CMC1: variants seen among roughly 807,000 people sequenced by gnomAD.
The protein encoded by CMC1 is C-X9-C motif containing 1.
CMC1 carries 14 observed loss-of-function variants against 14.1 expected under a neutral mutation model. The ratio of observed to expected loss-of-function variants is 0.99; its 90% confidence interval spans 0.66 to 1.55. CMC1 has a LOEUF of 1.55. Ranked by LOEUF, CMC1 falls within the 40% of genes most tolerant of loss-of-function variation. The pLI is 0.00. For missense variants in CMC1, 127 were observed against 123.8 expected, an observed-to-expected ratio of 1.03 and a Z score of -0.12; for synonymous variants, 50 against 38.4, an observed-to-expected ratio of 1.30 and a Z score of -1.12.
chr3:28,251,051 C>A (rs1175092001), intron 1 of CMC1, among the ~76,000 whole-genome samples: 1 of 152,138 alleles, frequency 6.6e-6, no homozygotes, highest in African/African-American at 2.4e-5. Context: ...GGAAATGCTG[C>A]CTCTTCCCTT....
intron 1 of CMC1, chr3:28,242,026 CTAAAG>C (rs1321117005): frequency 2.3e-6 from 1 of 426,880 alleles, no homozygotes; most frequent in African/African-American, 2.0e-5. Context: ...CGTTTGTTGT[CTAAAG>C]TATCATCCAT....
intron 1 of CMC1, among the ~76,000 whole-genome samples, chr3:28,253,164 C>T (rs977952005): frequency 5.9e-5 from 9 of 152,202 alleles, no homozygotes; most frequent in African/African-American, 1.9e-4. Context: ...TGGAGTCTGC[C>T]TAGATTCCTG....
At chr3:28,260,252 A>C (rs1315294344) in intron 1 of CMC1, among the ~76,000 whole-genome samples, 3 of 151,950 alleles carry the variant, frequency 2.0e-5, no homozygotes, top group Non-Finnish European at 4.4e-5. Flanking sequence ...ATCTGTGTTC[A>C]TGAGGCATAC....
chr3:28,250,594 A>ATAAC (rs1450458420), intron 1 of CMC1, among the ~76,000 whole-genome samples: 1 of 152,166 alleles, frequency 6.6e-6, no homozygotes, highest in Non-Finnish European at 1.5e-5. Flanking sequence ...TGTGTACTAT[A>ATAAC]TAACTATAAG....
At position 28,272,195 on chromosome 3, in the gene CMC1, C is replaced by G. The variant is rs1257813631; in HGVS notation, c.109+8815C>G. ...CAGAGACAGTTTGACTTCCTGTTTT[C>G]CTATTTGAATAACCTTTCATTTTCT... On this transcript the variant is annotated intron_variant, in intron 2 of 3. Transcript: ENST00000466830. 2.0e-5 allele frequency among the ~76,000 whole-genome samples: 3 copies of G among 152,038 alleles called. No homozygotes were observed. In the East Asian group the frequency reaches 5.8e-4, roughly 29 times the overall value.
In CMC1 at chr3:28,324,525, C is replaced by T; in HGVS notation, c.*4896C>T. The T allele has an allele frequency of 7.6e-7, 1 of 1,310,838 alleles. No homozygotes were observed. The highest frequency in any genetic ancestry group is 2.3e-5 in the South Asian group (1 of 43,712). The allele number at this position is 1,310,838 out of a possible 1,614,324, so 81.2% of individuals were successfully genotyped here. A position where few individuals can be genotyped will look rare whatever the true frequency, so the allele number is the denominator to read the frequency against. On this transcript the variant is annotated 3_prime_UTR_variant, in exon 4 of 4. Coordinates refer to ENST00000466830, the MANE Select transcript of CMC1 (RefSeq NM_182523.2). ...GATCATAAAATTCGATAACACTTCA[C>T]CAATTTGAATTCTAGAACTGGTGAT...
intron 1 of CMC1, among the ~76,000 whole-genome samples, chr3:28,262,371 A>C (rs994086010): frequency 3.3e-5 from 5 of 151,878 alleles, no homozygotes; most frequent in African/African-American, 1.2e-4. Flanking sequence ...ATATTCTTTT[A>C]ATGGGAAACT....
chr3:28,298,096 G>A (rs2125566832), intron 2 of CMC1: 1 of 151,808 alleles, frequency 6.6e-6, no homozygotes, highest in Middle Eastern at 3.4e-3. Context: ...CTTCCAAGTT[G>A]CATAGGTAGC....
intron 1 of CMC1, among the ~76,000 whole-genome samples, chr3:28,260,900 C>T (rs1345027413): frequency 6.6e-6 from 1 of 151,984 alleles, no homozygotes; most frequent in Non-Finnish European, 1.5e-5. Flanking sequence ...GGCGATTATC[C>T]GGAGATCTGT....
At chr3:28,282,678 A>C (rs1232887829) in intron 2 of CMC1, among the ~76,000 whole-genome samples, 2 of 152,072 alleles carry the variant, frequency 1.3e-5, no homozygotes, top group African/African-American at 2.4e-5. Context: ...TTTCCTTCTA[A>C]TCAACACCAG....
chr3:28,311,567 C>A (rs17021351), intron 2 of CMC1, among the ~76,000 whole-genome samples: 2,225 of 152,224 alleles, frequency 0.015, 53 homozygotes, highest in African/African-American at 0.05. Context: ...TCAGACCTTC[C>A]TCCCTGCATT....
intron 2 of CMC1, among the ~76,000 whole-genome samples, chr3:28,274,857 A>G (rs537399060): frequency 6.6e-6 from 1 of 152,034 alleles, no homozygotes; most frequent in Admixed American, 6.6e-5. Context: ...TTATTTCAGC[A>G]AGATAGTCTT....
intron 1 of CMC1, among the ~76,000 whole-genome samples, chr3:28,246,304 G>A (rs1186148141): frequency 6.6e-6 from 1 of 152,092 alleles, no homozygotes; most frequent in Non-Finnish European, 1.5e-5. Context: ...GTTGCTCTGT[G>A]AAATTTGAAA....
At chr3:28,313,480 G>A (rs144887091) in intron 2 of CMC1, among the ~76,000 whole-genome samples, 296 of 152,290 alleles carry the variant, frequency 1.9e-3, no homozygotes, top group African/African-American at 6.7e-3. Context: ...AGATGGAACT[G>A]ATTTAAATTG....
At chr3:28,251,072 G>C (rs538747962) in intron 1 of CMC1, among the ~76,000 whole-genome samples, 1 of 152,240 alleles carries the variant, frequency 6.6e-6, no homozygotes, top group East Asian at 1.9e-4. Flanking sequence ...GTCTCAGTTT[G>C]TTTTATGTTG....
chr3:28,293,707 A>G (rs1252924308), intron 2 of CMC1, among the ~76,000 whole-genome samples: 2 of 151,766 alleles, frequency 1.3e-5, no homozygotes, highest in African/African-American at 4.8e-5. Flanking sequence ...TCAGCCTCCT[A>G]AGTAGCTGGG....
intron 2 of CMC1, among the ~76,000 whole-genome samples, chr3:28,294,224 A>T (rs1214500739): frequency 3.9e-5 from 6 of 152,190 alleles, no homozygotes; most frequent in African/African-American, 1.2e-4. Flanking sequence ...AAAAAATTAC[A>T]TAAATGAATT....
At chr3:28,294,568 A>T (rs1489630731) in intron 2 of CMC1, 1 of 482,068 alleles carries the variant, frequency 2.1e-6, no homozygotes, top group African/African-American at 2.1e-5. Context: ...TATATTACAT[A>T]AAAATAAAAT....
At position 28,258,691 on chromosome 3, in the gene CMC1, C is replaced by T. The variant is rs150243305; in HGVS notation, c.20-4600C>T. ...CTGGAGTTCAGTGGTGAGATCTCAGCTCACTGCAAGCTCTGCCTCCCGGGT... is the reference window on the plus strand; with the variant it reads ...CTGGAGTTCAGTGGTGAGATCTCAGTTCACTGCAAGCTCTGCCTCCCGGGT... On this transcript the variant is annotated intron_variant, in intron 1 of 3. Transcript: ENST00000466830. Among the ~76,000 whole-genome samples, 1,306 of 146,262 alleles carry T rather than the reference C, an allele frequency of 8.9e-3. 17 individuals carry two copies. Among genetic ancestry groups the T allele is most frequent in the African/African-American group, 0.032 (1,229 of 38,836 alleles).
Sources: allele counts gnomAD v4.1 joint callset (sites outside exome capture counted in the v4.1 genomes callset), GRCh38; gene constraint gnomAD v4.1.1; transcripts MANE v1.5; gene names NCBI Gene and HGNC (gene_info 2026-07-23, HGNC 2026-07-21).